The following ITCH variants were observed in gnomAD, a reference collection of about 807,000 sequenced individuals.
The protein encoded by ITCH is itchy E3 ubiquitin protein ligase.
In ITCH, 28 loss-of-function variants were observed where a neutral mutation model predicts 126.8. The ratio of observed to expected loss-of-function variants is 0.22; its 90% CI spans 0.16 to 0.30. ITCH has a LOEUF of 0.30. Among genes scored for constraint, ITCH ranks in the 10% least tolerant of loss-of-function variants. The pLI is 1.00. For synonymous variants in ITCH, 342 were observed against 340.0 expected (o/e 1.01, Z -0.06); for missense variants, 631 against 1,032.4 (o/e 0.61, Z 5.33).
chr20:34,501,277 G>A (rs1405369853), intron 23 of ITCH, among the ~76,000 whole-genome samples: 2 of 152,004 alleles, frequency 1.3e-5, no homozygotes, highest in Non-Finnish European at 2.9e-5. Context: ...ATAACCTATT[G>A]ACAATCCCTA....
At chr20:34,433,286 G>A (rs542666470) in intron 7 of ITCH, among the ~76,000 whole-genome samples, 3 of 152,304 alleles carry the variant, frequency 2.0e-5, no homozygotes, top group African/African-American at 4.8e-5. Flanking sequence ...GCGAGACTTC[G>A]TCTCAAAAAA....
rs140432414 is a variant in ITCH at position 34,506,730 on chromosome 20, C to G, written c.2490-965C>G. 5.9e-5 allele frequency among the ~76,000 whole-genome samples: 9 copies of G among 152,260 alleles called. No homozygotes were observed. In the East Asian group the frequency reaches 1.7e-3, roughly 29 times the overall value. On this transcript the variant is annotated intron_variant, in intron 24 of 24. Coordinates refer to ENST00000374864, the MANE Select transcript of ITCH (RefSeq NM_031483.7). ...AGACTGCTGCTTTAAACAATGACTC[C>G]CCATGACTCCCTTTCCCCAGGTCCT...
At chr20:34,494,089 C>T (rs1259713025) in intron 23 of ITCH, among the ~76,000 whole-genome samples, 15 of 152,166 alleles carry the variant, frequency 9.9e-5, no homozygotes, top group Non-Finnish European at 2.2e-4. Flanking sequence ...ATTAGCCGGG[C>T]GTGTTGACGC....
chr20:34,449,745 A>G (rs979326165), intron 12 of ITCH, among the ~76,000 whole-genome samples: 2 of 152,162 alleles, frequency 1.3e-5, no homozygotes, highest in Non-Finnish European at 1.5e-5. Context: ...TCACCCAGCA[A>G]TAAAAAAGGA....
At position 34,509,610 on chromosome 20, in the gene ITCH, GT is replaced by G. The variant is rs1224206714; in HGVS notation, c.*1823del. The G allele has an allele frequency of 2.0e-5, 3 of 152,460 alleles. No individual in the cohort carries two copies. The highest frequency in any genetic ancestry group is 4.8e-5 in the African/African-American group (2 of 41,390). The allele number at this position is 152,460 out of a possible 1,614,324, so 9.4% of individuals were successfully genotyped here. A position where few individuals can be genotyped will look rare whatever the true frequency, so the allele number is the denominator to read the frequency against. ...AGGCTAGGCTCTCCCCAGCCCTATG[GT>G]TTTTTTATTTCATGTACCCCAGGAA... On this transcript the variant is annotated 3_prime_UTR_variant, in exon 25 of 25. Transcript: ENST00000374864.
At chr20:34,426,270 G>A (rs1226373335) in intron 7 of ITCH, among the ~76,000 whole-genome samples, 1 of 152,342 alleles carries the variant, frequency 6.6e-6, no homozygotes, top group Non-Finnish European at 1.5e-5. Flanking sequence ...GTCACAGACT[G>A]TGAGGGAAAA....
Position 34,442,797 on chromosome 20 carries a change from C to A in ITCH, c.965+494C>A, listed in dbSNP as rs1384900759. Among the ~76,000 whole-genome samples, 40 of 151,430 alleles carry A rather than the reference C, an allele frequency of 2.6e-4. 1 individual carries two copies. Among genetic ancestry groups the A allele is most frequent in the Admixed American group, 2.3e-3 (35 of 15,236 alleles). On this transcript the variant is annotated intron_variant, in intron 10 of 24. Transcript: ENST00000374864. ...GACCATCCTGGCTAACGTGGTGAAA[C>A]CCCGTTTCTACTAAAAATACAAAAA... is the stretch of plus-strand genomic sequence containing the variant.
intron 6 of ITCH, among the ~76,000 whole-genome samples, chr20:34,414,723 G>A (rs1278679927): frequency 2.0e-5 from 3 of 151,796 alleles, no homozygotes; most frequent in Non-Finnish European, 2.9e-5. Context: ...CAGGTGATCC[G>A]CCCACCTCAG....
chr20:34,501,871 A>G (rs1272371792), intron 23 of ITCH, among the ~76,000 whole-genome samples: 2 of 152,084 alleles, frequency 1.3e-5, no homozygotes, highest in Non-Finnish European at 2.9e-5. Flanking sequence ...TAACAAAAGG[A>G]GGGAAGTAAC....
intron 16 of ITCH, among the ~76,000 whole-genome samples, chr20:34,477,321 A>G (rs1203425964): frequency 2.0e-5 from 3 of 152,204 alleles, no homozygotes; most frequent in Non-Finnish European, 4.4e-5. Context: ...ACCTGAGGTC[A>G]GGAGTTTGAG....
At chr20:34,367,630 T>G (rs2037468030) in intron 1 of ITCH, among the ~76,000 whole-genome samples, 2 of 152,252 alleles carry the variant, frequency 1.3e-5, no homozygotes, top group Admixed American at 1.3e-4. Context: ...ATGTCTCCTG[T>G]GGACAGTTAC....
chr20:34,487,327 C>G (rs899112721), intron 20 of ITCH, among the ~76,000 whole-genome samples: 1 of 152,044 alleles, frequency 6.6e-6, no homozygotes, highest in African/African-American at 2.4e-5. Flanking sequence ...TTATTTTTAT[C>G]CTGATAATCT....
At chr20:34,496,803 CAAAAAAAAAAA>C (rs60619641) in intron 23 of ITCH, among the ~76,000 whole-genome samples, 1 of 99,412 alleles carries the variant, frequency 1.0e-5, no homozygotes, top group South Asian at 3.4e-4. Flanking sequence ...CACTCCATCT[CAAAAAAAAAAA>C]AAAAAAAGAA....
chr20:34,366,946 A>T (rs1217195030), intron 1 of ITCH, among the ~76,000 whole-genome samples: 1 of 152,096 alleles, frequency 6.6e-6, no homozygotes, highest in African/African-American at 2.4e-5. Flanking sequence ...AAAGGATTGG[A>T]TTTAGCTTTT....
At chr20:34,387,623 A>G (rs2038334427) in intron 2 of ITCH, among the ~76,000 whole-genome samples, 1 of 151,866 alleles carries the variant, frequency 6.6e-6, no homozygotes, top group Non-Finnish European at 1.5e-5. Flanking sequence ...CTGTCTCAAA[A>G]AAAAAAAAAA....
chr20:34,466,829 A>T (rs1201014092), intron 14 of ITCH, among the ~76,000 whole-genome samples: 7 of 152,198 alleles, frequency 4.6e-5, no homozygotes. Flanking sequence ...AAAGAAGTAG[A>T]TGAGAATATA....
At chr20:34,468,351 A>G (rs933081140) in intron 14 of ITCH, among the ~76,000 whole-genome samples, 5 of 149,148 alleles carry the variant, frequency 3.4e-5, no homozygotes, top group African/African-American at 2.5e-5. Context: ...TTTTTATTGG[A>G]AAAAAAAAAT....
chr20:34,391,563 A>G (rs1296126732), intron 2 of ITCH, among the ~76,000 whole-genome samples: 1 of 152,226 alleles, frequency 6.6e-6, no homozygotes, highest in Non-Finnish European at 1.5e-5. Context: ...ATATATGAAT[A>G]TGCCAATTGA....
At position 34,456,000 on chromosome 20, in the gene ITCH, C is replaced by T. The variant is rs115998460; in HGVS notation, c.1211-1390C>T. 8.9e-3 allele frequency among the ~76,000 whole-genome samples: 1,351 copies of T among 150,990 alleles called. 19 individuals carry two copies. The highest frequency in any genetic ancestry group is 0.031 in the African/African-American group (1,268 of 41,078). On this transcript the variant is annotated intron_variant, in intron 12 of 24. Transcript: ENST00000374864. ...TTTTGGAACTGGGTATATTAAGGAA[C>T]GAGATATGTTAAGTGTATTAAGAAA...
Sources: gnomAD v4.1 joint callset for allele counts (sites outside exome capture counted in the v4.1 genomes callset) on GRCh38, gnomAD v4.1.1 for gene constraint, MANE v1.5 for transcripts, NCBI Gene and HGNC (gene_info 2026-07-23, HGNC 2026-07-21) for gene names.